The following RBPJ variants were observed in gnomAD, a reference collection of about 807,000 sequenced individuals.
The protein encoded by RBPJ is recombining binding protein suppressor of hairless.
Under a neutral mutation model 67.8 loss-of-function variants are expected in RBPJ, and 9 were observed. The observed-to-expected ratio is 0.13, with a 90% CI of 0.08 to 0.23. The LOEUF (loss-of-function observed/expected upper bound fraction) is 0.23. RBPJ is among the 10% of genes least tolerant of loss of function. The pLI, the probability that RBPJ is intolerant of heterozygous loss-of-function variation, is 1.00. For synonymous variants in RBPJ, 198 were observed against 203.3 expected, an observed-to-expected ratio of 0.97 and a Z score of 0.22; for missense variants, 305 against 595.6, an observed-to-expected ratio of 0.51 and a Z score of 5.08.
chr4:26,325,705 C>T (rs867002086), intron 1 of RBPJ, among the ~76,000 whole-genome samples: 1 of 152,250 alleles, frequency 6.6e-6, no homozygotes, highest in South Asian at 2.1e-4. Context: ...GTCTCTTCTC[C>T]AGCTGAGTTG....
intron 8 of RBPJ, 53 bp downstream of exon 8, chr4:26,428,913 C>A: frequency 7.1e-7 from 1 of 1,410,928 alleles, no homozygotes; most frequent in Non-Finnish European, 9.9e-7. Flanking sequence ...GTGAGGTTAG[C>A]AGCTTGCAAA....
intron 1 of RBPJ, among the ~76,000 whole-genome samples, chr4:26,359,128 A>T (rs1335542647): frequency 6.6e-6 from 1 of 152,030 alleles, no homozygotes; most frequent in Non-Finnish European, 1.5e-5. Context: ...ACATCTGAAA[A>T]TTTTTCTTGA....
intron 1 of RBPJ, among the ~76,000 whole-genome samples, chr4:26,217,302 G>A (rs1718753399): frequency 6.6e-6 from 1 of 152,146 alleles, no homozygotes. Context: ...ATAAATGAAA[G>A]CTTATACTGA....
At chr4:26,193,092 G>A (rs1433616478) in intron 1 of RBPJ, among the ~76,000 whole-genome samples, 1 of 151,904 alleles carries the variant, frequency 6.6e-6, no homozygotes, top group Non-Finnish European at 1.5e-5. Flanking sequence ...GGGACATTCA[G>A]AAAAAAAAGT....
chr4:26,320,846 T>C (rs1053956085), upstream of RBPJ: 3 of 1,567,208 alleles, frequency 1.9e-6, no homozygotes, highest in Non-Finnish European at 2.6e-6. Flanking sequence ...GCGAGCAGGA[T>C]CCCCTACTCT....
intron 1 of RBPJ, among the ~76,000 whole-genome samples, chr4:26,302,036 A>T (rs901371160): frequency 6.6e-6 from 1 of 152,118 alleles, no homozygotes; most frequent in Non-Finnish European, 1.5e-5. Context: ...CAAATGATCT[A>T]CCTGCCTCGG....
the RBPJ span, among the ~76,000 whole-genome samples, chr4:26,106,892 A>G: frequency 6.6e-6 from 1 of 152,198 alleles, no homozygotes; most frequent in African/African-American, 2.4e-5. Context: ...GTGGAGAAGG[A>G]AACAGAAGGG....
At chr4:26,356,161 G>A (rs952332871) in intron 1 of RBPJ, among the ~76,000 whole-genome samples, 2 of 152,180 alleles carry the variant, frequency 1.3e-5, no homozygotes, top group African/African-American at 2.4e-5. Flanking sequence ...CCTGAGTAGA[G>A]TCCCAGTAAG....
At chr4:26,229,418 C>T (rs1014864606) in intron 1 of RBPJ, among the ~76,000 whole-genome samples, 2 of 152,148 alleles carry the variant, frequency 1.3e-5, no homozygotes, top group Admixed American at 1.3e-4. Flanking sequence ...CATTTTCTTC[C>T]TCCTGTTGGT....
chr4:26,323,027 TA>T (rs1056933803), intron 1 of RBPJ: 2 of 145,586 alleles, frequency 1.4e-5, no homozygotes, highest in African/African-American at 5.1e-5. Context: ...GTGTTGTTGA[TA>T]GGGGACATAC....
chr4:26,316,827 CTTTTTT>C (rs56130072), upstream of RBPJ, among the ~76,000 whole-genome samples: 13 of 71,384 alleles, frequency 1.8e-4, no homozygotes, highest in Non-Finnish European at 2.3e-4. Flanking sequence ...ACCCAGACGA[CTTTTTT>C]TTTTTTTTTT....
upstream of RBPJ, among the ~76,000 whole-genome samples, chr4:26,319,480 G>GCGCCCGCCGCCCGC (rs937893686): frequency 2.5e-5 from 2 of 80,222 alleles, no homozygotes; most frequent in African/African-American, 9.4e-5. Context: ...CACCCCGCCC[G>GCGCCCGCCGCCCGC]CGCCCGCCGC....
chr4:26,291,532 T>C (rs1028951811), intron 1 of RBPJ, among the ~76,000 whole-genome samples: 1 of 150,158 alleles, frequency 6.7e-6, no homozygotes, highest in Admixed American at 6.6e-5. Context: ...GTGGGGAAGG[T>C]CCTTCTAAGC....
At chr4:26,195,543 C>A (rs1717725968) in intron 1 of RBPJ, among the ~76,000 whole-genome samples, 2 of 152,102 alleles carry the variant, frequency 1.3e-5, no homozygotes, top group Admixed American at 1.3e-4. Flanking sequence ...GACAAAATAA[C>A]TAAGGTCTAT....
chr4:26,221,079 T>C (rs1718886026), intron 1 of RBPJ, among the ~76,000 whole-genome samples: 1 of 152,106 alleles, frequency 6.6e-6, no homozygotes, highest in African/African-American at 2.4e-5. Flanking sequence ...TTCCCCTTCT[T>C]CTTAAATAGT....
Position 26,430,099 on chromosome 4 carries a change from T to G in RBPJ, c.1044+46T>G. On this transcript the variant is annotated intron_variant, in intron 9 of 10. Coordinates refer to ENST00000355476, the MANE Select transcript of RBPJ (RefSeq NM_015874.6). The surrounding 1 kb of genome is among the most constrained non-coding windows in gnomAD (Gnocchi z 4.1). ...TTGGCCTTCAGCTCTTTGCAGCTAC[T>G]CTCAGCTGTGACCTGGCATCATTTC... 1 of 1,594,480 alleles carries G rather than the reference T, an allele frequency of 6.3e-7. No homozygotes were observed. The highest frequency in any genetic ancestry group is 8.6e-7 in the Non-Finnish European group (1 of 1,163,154).
intron 1 of RBPJ, among the ~76,000 whole-genome samples, chr4:26,167,622 A>G (rs1412980553): frequency 7.2e-6 from 1 of 139,164 alleles, no homozygotes; most frequent in East Asian, 2.1e-4. Flanking sequence ...TTGGGCTGAG[A>G]CAATGGGGTT....
intron 1 of RBPJ, among the ~76,000 whole-genome samples, chr4:26,286,472 CAAAAAA>C (rs57556548): frequency 0.43 from 43,071 of 99,338 alleles, 7,886 homozygotes; most frequent in Admixed American, 0.53. Context: ...GACCCTGCCT[CAAAAAA>C]AAAAAAAAAA....
chr4:26,188,599 G>T (rs1449377652), intron 1 of RBPJ, among the ~76,000 whole-genome samples: 1 of 152,028 alleles, frequency 6.6e-6, no homozygotes, highest in Non-Finnish European at 1.5e-5. Context: ...TTACCTTGTG[G>T]ACCTTAAATA....
Sources: gnomAD v4.1 joint callset for allele counts (sites outside exome capture counted in the v4.1 genomes callset) on GRCh38, gnomAD v4.1.1 for gene constraint, Gnocchi (gnomAD v3.1) non-coding constraint, MANE v1.5 for transcripts, NCBI Gene and HGNC (gene_info 2026-07-23, HGNC 2026-07-21) for gene names.